Variants in TULP4 observed in about 807,000 individuals in gnomAD.
The protein encoded by TULP4 is tubby-related protein 4.
TULP4 carries 16 observed loss-of-function variants against 129.0 expected under a neutral mutation model. That is an observed-to-expected ratio of 0.12 (90% CI 0.08 to 0.19). TULP4 has a LOEUF of 0.19. Ranked by LOEUF, TULP4 falls within the 10% of genes least tolerant of loss-of-function variation. The probability of loss-of-function intolerance (pLI) is 1.00; values close to 1 mark genes in which losing one functional copy is unlikely to be tolerated. For synonymous variants in TULP4, 998 were observed against 854.0 expected, an observed-to-expected ratio of 1.17 and a Z score of -2.94; for missense variants, 1,842 against 2,059.1, an observed-to-expected ratio of 0.89 and a Z score of 2.04.
At chr6:158,331,609 A>G (rs1779880637) in intron 1 of TULP4, among the ~76,000 whole-genome samples, 1 of 149,522 alleles carries the variant, frequency 6.7e-6, no homozygotes, top group Non-Finnish European at 1.5e-5. Context: ...TCAATGGGGA[A>G]TGGTATTAGA....
At position 158,241,222 on chromosome 6, in the gene TULP4, A is replaced by G. The variant is rs554458530; in HGVS notation, n.68+8919A>G. On this transcript the variant is annotated intron_variant and non_coding_transcript_variant, in intron 1 of 1. Transcript: ENST00000620026. Reference sequence around the variant, plus strand: ...GGAAGAGGCGCTCCTCACTTCCTAGATGGGATGGCGGCCGGGCGGAGACGC... The same window carrying G: ...GGAAGAGGCGCTCCTCACTTCCTAGGTGGGATGGCGGCCGGGCGGAGACGC... 3.9e-4 allele frequency among the ~76,000 whole-genome samples: 47 copies of G among 120,794 alleles called. No individual in the cohort carries two copies. The South Asian group carries it at 6.6e-3, about 17-fold the overall frequency. The allele number at this position is 120,794 out of a possible 152,430, so 79.2% of individuals were successfully genotyped here.
rs372198607 is a variant in TULP4, at chr6:158,426,419, G to A, written c.382-3317G>A. On this transcript the variant is annotated intron_variant, in intron 2 of 13. Transcript: ENST00000367097. ...GTATATTGTATAAGAAAGGGGTCCA[G>A]TTTCAACATTCTGCATATGGCTACC... Among the ~76,000 whole-genome samples the A allele has an allele frequency of 9.3e-4, 142 of 152,300 alleles. 1 individual carries two copies. Among genetic ancestry groups the A allele is most frequent in the African/African-American group, 3.2e-3 (134 of 41,576 alleles).
chr6:158,252,774 TTC>T (rs1778167341), intron 1 of TULP4, among the ~76,000 whole-genome samples: 1 of 152,252 alleles, frequency 6.6e-6, no homozygotes, highest in Non-Finnish European at 1.5e-5. Context: ...TGCCAGTTTT[TTC>T]TTTTTTTCCC....
intron 12 of TULP4, 51 bp from the exon 13 acceptor site, chr6:158,501,627 G>GTT (rs764918581): frequency 2.6e-6 from 4 of 1,555,106 alleles, no homozygotes; most frequent in Non-Finnish European, 3.5e-6. Context: ...TCCTGATCTG[G>GTT]TTTAATGGCA....
upstream of TULP4, among the ~76,000 whole-genome samples, chr6:158,278,434 C>G (rs1778684324): frequency 6.6e-6 from 1 of 151,000 alleles, no homozygotes; most frequent in South Asian, 2.1e-4. Flanking sequence ...TGATCCAGCA[C>G]TTTCCAAAAG....
At chr6:158,284,315 G>C (rs1335327954) in intron 1 of TULP4, among the ~76,000 whole-genome samples, 1 of 152,172 alleles carries the variant, frequency 6.6e-6, no homozygotes, top group Non-Finnish European at 1.5e-5. Flanking sequence ...TTGAATTAAT[G>C]CTACCTGCAT....
intron 1 of TULP4, among the ~76,000 whole-genome samples, chr6:158,338,050 T>G (rs2114741549): frequency 6.6e-6 from 1 of 152,326 alleles, no homozygotes; most frequent in South Asian, 2.1e-4. Flanking sequence ...AGGTACAATT[T>G]AGGGCCATGA....
At chr6:158,327,282 A>G (rs1023251732) in intron 1 of TULP4, among the ~76,000 whole-genome samples, 2 of 152,224 alleles carry the variant, frequency 1.3e-5, no homozygotes, top group Non-Finnish European at 2.9e-5. Context: ...CTGAAATTTC[A>G]TAATGGTCTG....
Position 158,504,059 on chromosome 6 carries a change from G to T in TULP4, c.4396G>T (p.Val1466Leu). ...GCTGGGCAGCCAAGGCTTCGTGTAC[G>T]TGATGGCCAACAAGCAGCCGCTGTG... ...GRLGSQGFVY[V>L]MANKQPLWNE... The change falls in exon 13 of 14, where the codon GTG becomes TTG. Residue 1466 changes from valine to leucine, a missense_variant. By Grantham distance (32) the Val-to-Leu change is conservative (BLOSUM62 1). Transcript: ENST00000367097. 1 of 1,609,032 alleles carries T rather than the reference G, an allele frequency of 6.2e-7. No individual in the cohort carries two copies. Among genetic ancestry groups the T allele is most frequent in the Non-Finnish European group, 8.5e-7 (1 of 1,177,898 alleles).
intron 1 of TULP4, among the ~76,000 whole-genome samples, chr6:158,269,573 T>C (rs1288609376): frequency 6.6e-6 from 1 of 152,162 alleles, no homozygotes; most frequent in Admixed American, 6.6e-5. Flanking sequence ...TTTAACCTTT[T>C]TTTCTCCGTG....
At chr6:158,372,142 T>TTTTTTA (rs10634551) in intron 1 of TULP4, among the ~76,000 whole-genome samples, 1 of 121,276 alleles carries the variant, frequency 8.2e-6, no homozygotes, top group Non-Finnish European at 1.6e-5. Context: ...TTTTTTTTTT[T>TTTTTTA]AATACAATTC....
intron 6 of TULP4, among the ~76,000 whole-genome samples, chr6:158,476,230 C>T (rs186410027): frequency 2.0e-5 from 3 of 152,290 alleles, no homozygotes; most frequent in Admixed American, 2.0e-4. Flanking sequence ...CCTGCCCTCT[C>T]CCAGAGTAAG....
chr6:158,416,471 T>C (rs1166085438), intron 2 of TULP4, among the ~76,000 whole-genome samples: 1 of 151,940 alleles, frequency 6.6e-6, no homozygotes, highest in Non-Finnish European at 1.5e-5. Flanking sequence ...AAAAAATTAA[T>C]AGAAAAAGCT....
chr6:158,316,858 G>T (rs967478165), intron 1 of TULP4, among the ~76,000 whole-genome samples: 1 of 152,206 alleles, frequency 6.6e-6, no homozygotes, highest in Non-Finnish European at 1.5e-5. Context: ...TAGGACTGAG[G>T]ACCTCCGGTC....
At chr6:158,314,376 G>A (rs1258202258) in intron 1 of TULP4, 108 bp downstream of exon 1, 2 of 1,323,088 alleles carry the variant, frequency 1.5e-6, no homozygotes, top group Non-Finnish European at 1.0e-6. Context: ...GCTGCCTAGT[G>A]AGACTTCCCA....
intron 3 of TULP4, among the ~76,000 whole-genome samples, chr6:158,433,801 C>A (rs779558026): frequency 4.6e-5 from 7 of 152,234 alleles, no homozygotes; most frequent in African/African-American, 7.2e-5. Context: ...GGCTAAAATT[C>A]ATCTTCCATT....
intron 6 of TULP4, among the ~76,000 whole-genome samples, chr6:158,464,574 C>T (rs1474246469): frequency 6.6e-6 from 1 of 152,182 alleles, no homozygotes; most frequent in Non-Finnish European, 1.5e-5. Flanking sequence ...CCTCTGCCTC[C>T]CGGGTTTAAG....
intron 1 of TULP4, among the ~76,000 whole-genome samples, chr6:158,333,525 C>T (rs1007327595): frequency 2.0e-5 from 3 of 152,224 alleles, no homozygotes; most frequent in African/African-American, 7.2e-5. Context: ...CAGGCTAATA[C>T]AGAAAAGTTC....
intron 1 of TULP4, among the ~76,000 whole-genome samples, chr6:158,326,288 A>T (rs1221845680): frequency 6.6e-6 from 1 of 152,124 alleles, no homozygotes; most frequent in Non-Finnish European, 1.5e-5. Context: ...CATACATTCA[A>T]ACCAATTAGA....
Sources: allele counts gnomAD v4.1 joint callset (sites outside exome capture counted in the v4.1 genomes callset), GRCh38; gene constraint gnomAD v4.1.1; transcripts MANE v1.5; gene names NCBI Gene and HGNC (gene_info 2026-07-23, HGNC 2026-07-21).